Variants in TTLL7 observed in about 807,000 individuals in gnomAD.
The protein encoded by TTLL7 is tubulin tyrosine ligase like 7.
Under a neutral mutation model 120.2 loss-of-function variants are expected in TTLL7, and 53 were observed. The ratio of observed to expected loss-of-function variants is 0.44; its 90% CI spans 0.35 to 0.55. The LOEUF (loss-of-function observed/expected upper bound fraction) is 0.55. Among genes scored for constraint, TTLL7 ranks in the 20% least tolerant of loss-of-function variants. The pLI, the probability that TTLL7 is intolerant of heterozygous loss-of-function variation, is 0.00. For synonymous variants in TTLL7, 353 were observed against 351.7 expected, an observed-to-expected ratio of 1.00 and a Z score of -0.04; for missense variants, 803 against 1,054.7, an observed-to-expected ratio of 0.76 and a Z score of 3.31.
intron 10 of TTLL7, among the ~76,000 whole-genome samples, chr1:83,927,335 T>A (rs1659218236): frequency 6.6e-6 from 1 of 152,056 alleles, no homozygotes; most frequent in African/African-American, 2.4e-5. Context: ...GTAAACAAAG[T>A]GATAAGCCAT....
In TTLL7 at chr1:83,867,058, T is replaced by G. The variant is rs1570983620; in HGVS notation, c.*2904A>C. ...TCATTGTAAGTAAACCCAGTTCCCC[T>G]ATTAAAAACCTCTGGTAAGATTAAG... is the stretch of plus-strand genomic sequence containing the variant. On this transcript the variant is annotated 3_prime_UTR_variant, in exon 21 of 21. Transcript: ENST00000260505. 6.6e-6 allele frequency: 1 copy of G among 152,132 alleles called. No individual in the cohort carries two copies. Among genetic ancestry groups the G allele is most frequent in the African/African-American group, 2.4e-5 (1 of 41,574 alleles). The allele number at this position is 152,132 out of a possible 1,614,324, so 9.4% of individuals were successfully genotyped here.
chr1:83,892,226 GTGTA>G (rs1302759268), intron 18 of TTLL7, among the ~76,000 whole-genome samples: 27 of 139,292 alleles, frequency 1.9e-4, no homozygotes, highest in African/African-American at 6.5e-4. Context: ...GAATATATAT[GTGTA>G]TATATATGAA....
intron 19 of TTLL7, among the ~76,000 whole-genome samples, chr1:83,887,735 G>T (rs1655085616): frequency 6.6e-6 from 1 of 151,982 alleles, no homozygotes; most frequent in Non-Finnish European, 1.5e-5. Flanking sequence ...AAGAGCTTGG[G>T]CTTCTGACTC....
intron 10 of TTLL7, among the ~76,000 whole-genome samples, chr1:83,924,863 C>G (rs548460548): frequency 6.6e-6 from 1 of 152,236 alleles, no homozygotes; most frequent in East Asian, 1.9e-4. Context: ...TTAGAAAAGT[C>G]ATTTCCAAGG....
intron 20 of TTLL7, among the ~76,000 whole-genome samples, chr1:83,874,600 G>A (rs1347699265): frequency 6.6e-6 from 1 of 151,990 alleles, no homozygotes; most frequent in Non-Finnish European, 1.5e-5. Flanking sequence ...AGCAATGCAT[G>A]AGAAATCCAA....
At chr1:83,914,741 G>A (rs1657995302) in intron 14 of TTLL7, among the ~76,000 whole-genome samples, 1 of 151,954 alleles carries the variant, frequency 6.6e-6, no homozygotes, top group Non-Finnish European at 1.5e-5. Flanking sequence ...TTCTCTATGG[G>A]GCTGTAGCAC....
At chr1:83,990,366 G>A (rs1369201767) in intron 1 of TTLL7, among the ~76,000 whole-genome samples, 8 of 152,004 alleles carry the variant, frequency 5.3e-5, no homozygotes. Flanking sequence ...TAGTAGAGAT[G>A]GGGTTTCACC....
intron 1 of TTLL7, among the ~76,000 whole-genome samples, chr1:83,992,559 AT>A (rs1478519780): frequency 6.6e-6 from 1 of 152,094 alleles, no homozygotes; most frequent in Non-Finnish European, 1.5e-5. Context: ...CTATAGACCA[AT>A]TTCAAATCTC....
chr1:83,872,831 T>C (rs1480215758), intron 20 of TTLL7, among the ~76,000 whole-genome samples: 1 of 152,196 alleles, frequency 6.6e-6, no homozygotes, highest in East Asian at 1.9e-4. Flanking sequence ...TCATAACAAT[T>C]CTATATGGCA....
At chr1:83,947,948 T>C (rs1445393677) in intron 5 of TTLL7, among the ~76,000 whole-genome samples, 12 of 152,246 alleles carry the variant, frequency 7.9e-5, no homozygotes, top group East Asian at 7.7e-4. Context: ...AACAGGAATA[T>C]AAACTGCCTA....
chr1:83,908,611 T>C (rs1287044995), intron 15 of TTLL7, among the ~76,000 whole-genome samples: 2 of 152,078 alleles, frequency 1.3e-5, no homozygotes, highest in African/African-American at 4.8e-5. Context: ...CTGTTCCAGA[T>C]AAATTTTGAC....
At chr1:83,998,530 CAAGAATGCCCCGCAT>C (rs1369042306) in intron 1 of TTLL7, among the ~76,000 whole-genome samples, 1 of 152,218 alleles carries the variant, frequency 6.6e-6, no homozygotes, top group Non-Finnish European at 1.5e-5. Context: ...GATACCCTTT[CAAGAATGCCCCGCAT>C]ACTCGCGGAG....
chr1:83,995,887 A>G (rs1653433513), intron 1 of TTLL7, among the ~76,000 whole-genome samples: 1 of 152,242 alleles, frequency 6.6e-6, no homozygotes. Context: ...ACAATTAGGC[A>G]ATGATAATAC....
chr1:83,904,935 TATAA>T (rs1468622853), intron 17 of TTLL7, among the ~76,000 whole-genome samples: 5 of 152,000 alleles, frequency 3.3e-5, no homozygotes. Context: ...TGATGTCTGC[TATAA>T]ATATTCATTA....
chr1:83,978,855 T>C (rs1242767022), intron 1 of TTLL7, among the ~76,000 whole-genome samples: 2 of 152,164 alleles, frequency 1.3e-5, no homozygotes, highest in Non-Finnish European at 2.9e-5. Context: ...AATTTCAAAA[T>C]AGTTATGGAG....
intron 8 of TTLL7, among the ~76,000 whole-genome samples, chr1:83,935,168 T>C (rs1033495451): frequency 3.3e-5 from 5 of 152,092 alleles, no homozygotes; most frequent in African/African-American, 4.8e-5. Context: ...CACCATAGCA[T>C]ATAAAATAAA....
chr1:83,918,677 C>T (rs1393445642), intron 13 of TTLL7, among the ~76,000 whole-genome samples: 1 of 152,066 alleles, frequency 6.6e-6, no homozygotes, highest in Non-Finnish European at 1.5e-5. Context: ...ACAGATAATA[C>T]TTTCATCATA....
intron 18 of TTLL7, among the ~76,000 whole-genome samples, chr1:83,899,150 G>A (rs1014843485): frequency 7.2e-5 from 11 of 151,854 alleles, no homozygotes; most frequent in African/African-American, 1.4e-4. Flanking sequence ...TCATGGGTAA[G>A]GGGTCTTAAA....
intron 20 of TTLL7, among the ~76,000 whole-genome samples, chr1:83,882,396 A>G (rs191208226): frequency 1.3e-3 from 151 of 114,500 alleles, no homozygotes; most frequent in African/African-American, 5.3e-3. Flanking sequence ...GAGAAATGCT[A>G]AAAGGTACTT....
Sources: allele counts gnomAD v4.1 joint callset (sites outside exome capture counted in the v4.1 genomes callset), GRCh38; gene constraint gnomAD v4.1.1; transcripts MANE v1.5; gene names NCBI Gene and HGNC (gene_info 2026-07-23, HGNC 2026-07-21).